CTBS: variants seen among roughly 807,000 people sequenced by gnomAD.
CTBS encodes the protein di-N-acetylchitobiase.
In CTBS, 35 loss-of-function variants were observed where a neutral mutation model predicts 44.3. The ratio of observed to expected loss-of-function variants is 0.79; its 90% confidence interval spans 0.60 to 1.05. The LOEUF (loss-of-function observed/expected upper bound fraction) is 1.05. Among genes scored for constraint, CTBS ranks in the 50% least tolerant of loss-of-function variants. The probability of loss-of-function intolerance (pLI) is 0.00; values close to 1 mark genes in which losing one functional copy is unlikely to be tolerated. For missense variants in CTBS, 458 were observed against 475.3 expected, an observed-to-expected ratio of 0.96 and a Z score of 0.34; for synonymous variants, 143 against 168.0, an observed-to-expected ratio of 0.85 and a Z score of 1.15.
intron 6 of CTBS, among the ~76,000 whole-genome samples, chr1:84,556,265 G>A (rs1684426435): frequency 6.6e-6 from 1 of 152,052 alleles, no homozygotes; most frequent in Non-Finnish European, 1.5e-5. Flanking sequence ...GCAAAGGAAG[G>A]TGAAAAAGAT....
chr1:84,573,860 TGA>T, intron 1 of CTBS: 1 of 1,093,196 alleles, frequency 9.1e-7, no homozygotes, highest in Non-Finnish European at 1.1e-6. Context: ...GTTGGAGTGC[TGA>T]GATTCTTTCA....
chr1:84,571,230 A>G (rs1255497875), intron 1 of CTBS, among the ~76,000 whole-genome samples: 1 of 152,252 alleles, frequency 6.6e-6, no homozygotes, highest in East Asian at 1.9e-4. Context: ...GGCAGAATAC[A>G]GAAACTGTTG....
At chr1:84,567,066 C>T (rs764089921) in intron 3 of CTBS, among the ~76,000 whole-genome samples, 3 of 152,118 alleles carry the variant, frequency 2.0e-5, no homozygotes, top group Non-Finnish European at 4.4e-5. Context: ...GTTGTTTTCC[C>T]CCCTTAATTA....
At chr1:84,556,710 CAAA>C (rs11417377) in intron 6 of CTBS, among the ~76,000 whole-genome samples, 4 of 93,484 alleles carry the variant, frequency 4.3e-5, no homozygotes, top group Admixed American at 1.2e-4. Context: ...GACTCCGTCT[CAAA>C]AAAAAAAAAA....
At position 84,563,847 on chromosome 1, in the gene CTBS, G is replaced by C; in HGVS notation, c.698-15C>G. 1 of 1,594,134 alleles carries C rather than the reference G, an allele frequency of 6.3e-7. No individual in the cohort carries two copies. Among genetic ancestry groups the C allele is most frequent in the East Asian group, 2.3e-5 (1 of 44,312 alleles). On this transcript the variant is annotated splice_polypyrimidine_tract_variant and intron_variant, in intron 4 of 6. Transcript: ENST00000370630. ...GTCATTATATCCTAGTCAAGCAGGA[G>C]AGAAAAAGCATATTTGTTTCTCTTC...
Position 84,555,161 on chromosome 1 carries a change from G to C in CTBS, c.996C>G (p.Asn332Lys). Residue 332 changes from asparagine to lysine, a missense_variant, in exon 7 of 7, where the codon AAC (asparagine) becomes AAG (lysine). By Grantham distance (94) the Asn-to-Lys change is moderately conservative. Coordinates refer to ENST00000370630, the MANE Select transcript of CTBS (RefSeq NM_004388.3). ...TTGCCTTTAAAGAAATACTCTGAGG[G>C]TTATCATACCATACTTGATGAAAGT... ...AGHFHQVWYD[N>K]PQSISLKATY... is the part of the protein sequence containing the mutation. The C allele has an allele frequency of 6.2e-7, 1 of 1,613,722 alleles. No individual in the cohort carries two copies. Among genetic ancestry groups the C allele is most frequent in the Non-Finnish European group, 8.5e-7 (1 of 1,179,842 alleles).
chr1:84,570,260 A>G (rs1415676850), intron 2 of CTBS, 121 bp from the exon 3 acceptor site: 1 of 771,248 alleles, frequency 1.3e-6, no homozygotes. Flanking sequence ...ACAGAAAGCC[A>G]TTACTCATGA....
Position 84,550,237 on chromosome 1 carries a change from G to A in CTBS, c.*4762C>T. 5.7e-6 allele frequency: 2 copies of A among 353,370 alleles called. No individual in the cohort carries two copies. The highest frequency in any genetic ancestry group is 9.4e-5 in the Admixed American group (2 of 21,248). The allele number at this position is 353,370 out of a possible 1,614,324, so 21.9% of individuals were successfully genotyped here. On this transcript the variant is annotated 3_prime_UTR_variant, in exon 7 of 7. Transcript: ENST00000370630. ...TAATTTAATGGTAACTTTAGAGAAA[G>A]TGTTCCCTAAAATGCAAGAAATCAA...
intron 6 of CTBS, among the ~76,000 whole-genome samples, chr1:84,562,903 T>G (rs1262904299): frequency 6.6e-6 from 1 of 152,208 alleles, no homozygotes; most frequent in African/African-American, 2.4e-5. Context: ...AAATGGAGGC[T>G]TTCAGAGATA....
At chr1:84,557,651 C>T (rs1211505451) in intron 6 of CTBS, among the ~76,000 whole-genome samples, 2 of 150,548 alleles carry the variant, frequency 1.3e-5, no homozygotes, top group South Asian at 2.1e-4. Context: ...GTCAGGAGAT[C>T]GAGACCATCC....
Position 84,570,055 on chromosome 1 carries a change from T to C in CTBS, c.401A>G (p.Tyr134Cys). 1 of 1,613,714 alleles carries C rather than the reference T, an allele frequency of 6.2e-7. No individual in the cohort carries two copies. Among genetic ancestry groups the C allele is most frequent in the East Asian group, 2.2e-5 (1 of 44,770 alleles). Residue 134 changes from tyrosine (Y) to cysteine (C), a missense_variant, in exon 3 of 7, where the codon TAT becomes TGT. Coordinates refer to ENST00000370630, the MANE Select transcript of CTBS (RefSeq NM_004388.3). ...TATATCTATATTAATTCCATCCATA[T>C]ATTGTGTTTTGGCCAAATTAAGTTT... Reference protein sequence around the residue: ...AQKLNLAKTQYMDGINIDIEQ... With the variant: ...AQKLNLAKTQCMDGINIDIEQ...
At chr1:84,574,167 G>A in intron 1 of CTBS, 72 bp downstream of exon 1, 4 of 1,558,604 alleles carry the variant, frequency 2.6e-6, no homozygotes, top group Non-Finnish European at 3.5e-6. Context: ...CCTCTCCTTA[G>A]GGCTCCGTTC....
Position 84,550,449 on chromosome 1 carries a change from G to C in CTBS, c.*4550C>G. ...CCACACAGAATTACCTAATAATCCA[G>C]ATCACTGAGGTACAGCATGCAATTG... On this transcript the variant is annotated 3_prime_UTR_variant, in exon 7 of 7. Coordinates refer to ENST00000370630, the MANE Select transcript of CTBS (RefSeq NM_004388.3). 6.5e-7 allele frequency: 1 copy of C among 1,547,498 alleles called. No homozygotes were observed. Among genetic ancestry groups the C allele is most frequent in the South Asian group, 1.3e-5 (1 of 79,902 alleles).
At chr1:84,568,509 T>C (rs1684738680) in intron 3 of CTBS, among the ~76,000 whole-genome samples, 1 of 152,188 alleles carries the variant, frequency 6.6e-6, no homozygotes, top group Non-Finnish European at 1.5e-5. Flanking sequence ...TCAAATTATT[T>C]TACCTGTAAT....
chr1:84,572,651 A>G (rs560959263), intron 1 of CTBS, among the ~76,000 whole-genome samples: 3 of 150,008 alleles, frequency 2.0e-5, no homozygotes, highest in African/African-American at 7.6e-5. Context: ...GTACTACAGT[A>G]AATCTTTCAG....
chr1:84,566,335 A>G (rs1420723396), intron 3 of CTBS: 1 of 156,974 alleles, frequency 6.4e-6, no homozygotes, highest in Non-Finnish European at 1.4e-5. Context: ...TATAATGACA[A>G]CAGGGTATGG....
intron 3 of CTBS, among the ~76,000 whole-genome samples, chr1:84,566,622 A>G (rs1032938783): frequency 5.9e-5 from 9 of 152,260 alleles, no homozygotes; most frequent in Admixed American, 2.6e-4. Flanking sequence ...ATTCAAATAA[A>G]TGTTGAGTAT....
chr1:84,550,747 T>C lies in CTBS; in HGVS notation c.*4252A>G, dbSNP rs1684245909. The C allele has an allele frequency of 9.1e-7, 1 of 1,094,284 alleles. No homozygotes were observed. Among genetic ancestry groups the C allele is most frequent in the Non-Finnish European group, 1.1e-6 (1 of 896,582 alleles). The allele number at this position is 1,094,284 out of a possible 1,614,324, so 67.8% of individuals were successfully genotyped here. ...ATGATATAATAAAGCCAAAGTAAAATTTAGTAAAATTTTACTAGGAAGAAT... is the reference window on the plus strand; with the variant it reads ...ATGATATAATAAAGCCAAAGTAAAACTTAGTAAAATTTTACTAGGAAGAAT... On this transcript the variant is annotated 3_prime_UTR_variant, in exon 7 of 7. Transcript: ENST00000370630.
chr1:84,567,805 G>A (rs1280660013), intron 3 of CTBS, among the ~76,000 whole-genome samples: 1 of 151,910 alleles, frequency 6.6e-6, no homozygotes, highest in Non-Finnish European at 1.5e-5. Flanking sequence ...CAGTTGTTCT[G>A]CCCCTTCCTT....
Sources: gnomAD v4.1 joint callset for allele counts (sites outside exome capture counted in the v4.1 genomes callset) on GRCh38, gnomAD v4.1.1 for gene constraint, MANE v1.5 for transcripts, NCBI Gene and HGNC (gene_info 2026-07-23, HGNC 2026-07-21) for gene names.